Variants in PRKAR2B observed in about 807,000 individuals in gnomAD.
The protein encoded by PRKAR2B is protein kinase cAMP-dependent type II regulatory subunit beta, also known as cAMP-dependent protein kinase type II-beta regulatory subunit.
A neutral mutation model predicts 49.9 loss-of-function variants in PRKAR2B; 14 were observed. The observed-to-expected ratio is 0.28, with a 90% CI of 0.19 to 0.44. The LOEUF (loss-of-function observed/expected upper bound fraction) is 0.44. Ranked by LOEUF, PRKAR2B falls within the 20% of genes least tolerant of loss-of-function variation. PRKAR2B has a pLI of 1.00. For synonymous variants in PRKAR2B, 196 were observed against 197.7 expected, an observed-to-expected ratio of 0.99 and a Z score of 0.07; for missense variants, 393 against 537.9, an observed-to-expected ratio of 0.73 and a Z score of 2.67.
intron 2 of PRKAR2B, among the ~76,000 whole-genome samples, chr7:107,084,557 A>C (rs1373836540): frequency 6.6e-6 from 1 of 151,868 alleles, no homozygotes. Flanking sequence ...TCCCTGGATC[A>C]GGGAGAAAAC....
chr7:107,146,209 G>C (rs1216660595), intron 5 of PRKAR2B, 99 bp from the exon 6 acceptor site: 2 of 1,263,852 alleles, frequency 1.6e-6, no homozygotes, highest in East Asian at 5.0e-5. Flanking sequence ...TAACAGGCTG[G>C]AAATAAGATT....
rs1470521686 is a variant in PRKAR2B, at chr7:107,091,957, CAG to C, written c.343+21642_343+21643del. ...ATGTATTTATTTTGGGGAAAAGTGTCAGGGAGGATGTGGCATTTGAGCAGAGA... is the reference window on the plus strand; with the variant it reads ...ATGTATTTATTTTGGGGAAAAGTGTCGGAGGATGTGGCATTTGAGCAGAGA... On this transcript the variant is annotated intron_variant, in intron 2 of 10. Coordinates refer to ENST00000265717, the MANE Select transcript of PRKAR2B (RefSeq NM_002736.3). 2.6e-5 allele frequency: 4 copies of C among 151,972 alleles called. No individual in the cohort carries two copies. In the East Asian group the frequency reaches 5.8e-4, roughly 22 times the overall value. 9.4% of individuals were successfully genotyped at this position (151,972 alleles called of 1,614,324 possible).
At chr7:107,053,080 C>T (rs1277216644) in intron 1 of PRKAR2B, among the ~76,000 whole-genome samples, 4 of 152,196 alleles carry the variant, frequency 2.6e-5, no homozygotes, top group African/African-American at 9.7e-5. Context: ...TCCCACCTGC[C>T]TCAGCCTCCC....
intron 1 of PRKAR2B, 107 bp from the exon 2 acceptor site, chr7:107,070,174 C>T: frequency 1.5e-6 from 1 of 686,480 alleles, no homozygotes; most frequent in Non-Finnish European, 2.4e-6. Context: ...ATTTATTCAT[C>T]TTTTTCTTTA....
intron 2 of PRKAR2B, among the ~76,000 whole-genome samples, chr7:107,085,385 C>G (rs13311274): frequency 0.52 from 78,338 of 152,002 alleles, 21,860 homozygotes; most frequent in South Asian, 0.62. Flanking sequence ...GTTCAATTAT[C>G]AAAATTTTTC....
intron 4 of PRKAR2B, among the ~76,000 whole-genome samples, chr7:107,132,342 T>C (rs1191401855): frequency 6.6e-6 from 1 of 152,194 alleles, no homozygotes; most frequent in Non-Finnish European, 1.5e-5. Context: ...GACTGCCTTG[T>C]AGGCAGTGGG....
rs34651958 is a variant in PRKAR2B at position 107,118,310 on chromosome 7, T to TTTCATTCA, written c.344-3617_344-3610dup. Among the ~76,000 whole-genome samples, 817 of 151,312 alleles carry TTTCATTCA rather than the reference T, an allele frequency of 5.4e-3. 6 individuals are homozygous for TTTCATTCA. The highest frequency in any genetic ancestry group is 0.018 in the African/African-American group (757 of 41,312). On this transcript the variant is annotated intron_variant, in intron 2 of 10. Coordinates refer to ENST00000265717, the MANE Select transcript of PRKAR2B (RefSeq NM_002736.3). ...TAGGACATTTTAACATTGAGCAAGT[T>TTTCATTCA]TTCATTCATTCATTCATTCATTCAT...
chr7:107,104,450 T>C (rs1300744076), intron 2 of PRKAR2B, among the ~76,000 whole-genome samples: 1 of 152,198 alleles, frequency 6.6e-6, no homozygotes, highest in Non-Finnish European at 1.5e-5. Context: ...ATGTATCCCA[T>C]GTATTTAACT....
intron 2 of PRKAR2B, among the ~76,000 whole-genome samples, chr7:107,097,691 T>G (rs575712752): frequency 0.12 from 18,719 of 152,080 alleles, 1,351 homozygotes; most frequent in African/African-American, 0.2. Flanking sequence ...AGGAGCTCTT[T>G]TAGGGCAGGC....
intron 2 of PRKAR2B, among the ~76,000 whole-genome samples, chr7:107,094,768 C>G (rs1420648101): frequency 6.6e-6 from 1 of 152,152 alleles, no homozygotes; most frequent in East Asian, 1.9e-4. Context: ...ATAGGGAATC[C>G]TTTCCCCATT....
intron 6 of PRKAR2B, among the ~76,000 whole-genome samples, chr7:107,149,127 T>A (rs1795941503): frequency 6.6e-6 from 1 of 152,228 alleles, no homozygotes; most frequent in Non-Finnish European, 1.5e-5. Flanking sequence ...GCAGAGATCT[T>A]GAGTCATTAA....
At chr7:107,094,583 A>G (rs961966430) in intron 2 of PRKAR2B, among the ~76,000 whole-genome samples, 4 of 152,220 alleles carry the variant, frequency 2.6e-5, no homozygotes, top group African/African-American at 4.8e-5. Flanking sequence ...ATCTTTGCCC[A>G]TGCCTATGTC....
At chr7:107,086,180 AT>A (rs1205638923) in intron 2 of PRKAR2B, among the ~76,000 whole-genome samples, 6 of 151,680 alleles carry the variant, frequency 4.0e-5, no homozygotes, top group African/African-American at 1.5e-4. Context: ...TTCCTGTTAA[AT>A]TTTTTTTTCT....
At chr7:107,104,904 C>G (rs551580080) in intron 2 of PRKAR2B, among the ~76,000 whole-genome samples, 3 of 152,214 alleles carry the variant, frequency 2.0e-5, no homozygotes, top group African/African-American at 7.2e-5. Context: ...TAGTAGGAGT[C>G]CTTGTATAAG....
At chr7:107,067,364 T>C (rs1261454625) in intron 1 of PRKAR2B, 2 of 152,186 alleles carry the variant, frequency 1.3e-5, no homozygotes, top group Non-Finnish European at 2.9e-5. Context: ...GCATGAGAGA[T>C]TGGATTTTTG....
intron 2 of PRKAR2B, among the ~76,000 whole-genome samples, chr7:107,099,365 A>G (rs1188976496): frequency 6.6e-6 from 1 of 152,152 alleles, no homozygotes; most frequent in Non-Finnish European, 1.5e-5. Context: ...GACTGTTGGA[A>G]AAGCGCAGTA....
chr7:107,138,445 ATTCTGTTGCC>A (rs1795737127), intron 4 of PRKAR2B, among the ~76,000 whole-genome samples: 1 of 152,214 alleles, frequency 6.6e-6, no homozygotes, highest in Admixed American at 6.5e-5. Flanking sequence ...ACAGAGTCTC[ATTCTGTTGCC>A]CAGGCTGGAG....
intron 1 of PRKAR2B, among the ~76,000 whole-genome samples, chr7:107,055,361 A>G (rs1179161521): frequency 6.6e-6 from 1 of 152,146 alleles, no homozygotes; most frequent in Non-Finnish European, 1.5e-5. Flanking sequence ...TGGTATTTCT[A>G]GTTCTAGATC....
intron 1 of PRKAR2B, among the ~76,000 whole-genome samples, chr7:107,066,183 C>A (rs1308949695): frequency 6.6e-6 from 1 of 151,962 alleles, no homozygotes; most frequent in Non-Finnish European, 1.5e-5. Flanking sequence ...AGGTTATATT[C>A]TCTTAAAAAT....
Sources: gnomAD v4.1 joint callset for allele counts (sites outside exome capture counted in the v4.1 genomes callset) on GRCh38, gnomAD v4.1.1 for gene constraint, MANE v1.5 for transcripts, NCBI Gene and HGNC (gene_info 2026-07-23, HGNC 2026-07-21) for gene names.